SCN1A: variants seen among roughly 807,000 people sequenced by gnomAD.
The protein encoded by SCN1A is sodium channel protein type 1 subunit alpha.
SCN1A carries 13 observed loss-of-function variants against 193.7 expected under a neutral mutation model. That is an observed-to-expected ratio of 0.07 (90% confidence interval 0.04 to 0.11). The LOEUF (loss-of-function observed/expected upper bound fraction) is 0.11, where lower values mean the gene tolerates loss of function less well. SCN1A is among the 10% of genes least tolerant of loss of function. The pLI is 1.00. For missense variants in SCN1A, 1,432 were observed against 2,451.1 expected, an observed-to-expected ratio of 0.58 and a Z score of 8.78; for synonymous variants, 781 against 843.6, an observed-to-expected ratio of 0.93 and a Z score of 1.29.
intron 2 of SCN1A, among the ~76,000 whole-genome samples, chr2:166,105,559 A>G (rs369171703): frequency 1.3e-5 from 2 of 152,356 alleles, no homozygotes; most frequent in African/African-American, 4.8e-5. Flanking sequence ...TCTTGGCCAA[A>G]AACAATTAAT....
chr2:166,004,967 C>T (rs752079159), intron 23 of SCN1A, among the ~76,000 whole-genome samples: 18 of 151,426 alleles, frequency 1.2e-4, no homozygotes, highest in Admixed American at 3.3e-4. Context: ...TTCAGTATTG[C>T]GTTCTCATTT....
At chr2:166,138,589 G>A (rs1244362471) in intron 1 of SCN1A, among the ~76,000 whole-genome samples, 3 of 152,220 alleles carry the variant, frequency 2.0e-5, no homozygotes, top group African/African-American at 7.2e-5. Context: ...CCTCTGCCTA[G>A]ATTTCAGAAG....
At chr2:166,067,363 C>A (rs1430786087) in intron 4 of SCN1A, among the ~76,000 whole-genome samples, 1 of 152,014 alleles carries the variant, frequency 6.6e-6, no homozygotes, top group African/African-American at 2.4e-5. Flanking sequence ...AGTAAGGGTT[C>A]GGGAAATACT....
At chr2:166,124,212 C>T (rs770882276) in intron 2 of SCN1A, among the ~76,000 whole-genome samples, 1 of 151,848 alleles carries the variant, frequency 6.6e-6, no homozygotes, top group Non-Finnish European at 1.5e-5. Context: ...GAACGCAGAC[C>T]CTTCTATCTT....
chr2:165,988,777 G>C lies in SCN1A; in HGVS notation c.*2468C>G, dbSNP rs1382553782. The C allele has an allele frequency of 6.6e-6, 1 of 152,156 alleles. No individual in the cohort carries two copies. The highest frequency in any genetic ancestry group is 2.4e-5 in the African/African-American group (1 of 41,450). The allele number at this position is 152,156 out of a possible 1,614,324, so 9.4% of individuals were successfully genotyped here. A position where few individuals can be genotyped will look rare whatever the true frequency, so the allele number is the denominator to read the frequency against. ...GAGTGGCTCTGGAGGAGCAAACACA[G>C]TATCCTACACACATGGCAATTCTAA... On this transcript the variant is annotated 3_prime_UTR_variant, in exon 29 of 29. Coordinates refer to ENST00000674923, the MANE Select transcript of SCN1A (RefSeq NM_001165963.4).
chr2:166,109,869 G>A (rs950362918), intron 2 of SCN1A, among the ~76,000 whole-genome samples: 1 of 152,018 alleles, frequency 6.6e-6, no homozygotes, highest in Non-Finnish European at 1.5e-5. Flanking sequence ...CTATGTGGGT[G>A]GTGGGGAGGT....
chr2:166,053,595 C>A (rs993179964), intron 7 of SCN1A, among the ~76,000 whole-genome samples: 7 of 151,890 alleles, frequency 4.6e-5, no homozygotes, highest in Non-Finnish European at 8.8e-5. Context: ...CCATTTTGTT[C>A]TTAAGAAATA....
chr2:166,018,909 G>C (rs1260984785), intron 19 of SCN1A, among the ~76,000 whole-genome samples: 2 of 152,184 alleles, frequency 1.3e-5, no homozygotes, highest in East Asian at 3.9e-4. Context: ...AATAACATAA[G>C]ATTGTATGAA....
chr2:166,125,378 G>C (rs1691120811), intron 2 of SCN1A, among the ~76,000 whole-genome samples: 1 of 152,204 alleles, frequency 6.6e-6, no homozygotes, highest in Non-Finnish European at 1.5e-5. Flanking sequence ...TGCCCAGGGA[G>C]AAAGCAATAC....
chr2:166,086,810 G>C (rs1686174089), intron 2 of SCN1A, among the ~76,000 whole-genome samples: 1 of 152,062 alleles, frequency 6.6e-6, no homozygotes, highest in Non-Finnish European at 1.5e-5. Flanking sequence ...TACTGGTCTG[G>C]GTTAAAGAGA....
rs1271407907 is a variant in SCN1A, at chr2:165,990,198, C to A, written c.*1047G>T. 3.3e-5 allele frequency: 5 copies of A among 152,574 alleles called. No individual in the cohort carries two copies. The highest frequency in any genetic ancestry group is 6.6e-5 in the Admixed American group (1 of 15,260). 9.5% of individuals were successfully genotyped at this position (152,574 alleles called of 1,614,324 possible). On this transcript the variant is annotated 3_prime_UTR_variant, in exon 29 of 29. Transcript: ENST00000674923. ...CATTTCTTGTGGTACATATTTGATGCAATAAATACTGTGCTTAGGTCATTA... is the reference window on the plus strand; with the variant it reads ...CATTTCTTGTGGTACATATTTGATGAAATAAATACTGTGCTTAGGTCATTA...
intron 2 of SCN1A, among the ~76,000 whole-genome samples, chr2:166,108,803 G>A (rs76013360): frequency 0.056 from 8,452 of 152,134 alleles, 370 homozygotes; most frequent in African/African-American, 0.12. Flanking sequence ...ACTGGGAGTG[G>A]GAATAGAGAG....
At chr2:166,055,544 A>G (rs1699050050) in intron 6 of SCN1A, among the ~76,000 whole-genome samples, 2 of 151,980 alleles carry the variant, frequency 1.3e-5, no homozygotes, top group South Asian at 4.2e-4. Flanking sequence ...ACTCTTGGAA[A>G]TAGGTTGGTG....
chr2:166,045,207 G>T lies in SCN1A; in HGVS notation c.1498C>A (p.Arg500=), dbSNP rs141188608. The change falls in exon 13 of 29, where the codon CGG becomes AGG. Residue 500 remains arginine, a synonymous_variant. Transcript: ENST00000674923. The part of the protein sequence containing the change: ...SSKSAKERRN[R]RKKRKQKEQS... Reference sequence around the variant, plus strand: ...TCTTTCTGTTTTCTTTTCTTCCTCCGATTTCTTCTTTCCTTAGCACTCTTG... The same window carrying T: ...TCTTTCTGTTTTCTTTTCTTCCTCCTATTTCTTCTTTCCTTAGCACTCTTG... 3 of 1,613,872 alleles carry T rather than the reference G, an allele frequency of 1.9e-6. No homozygotes were observed. Among genetic ancestry groups the T allele is most frequent in the South Asian group, 1.1e-5 (1 of 91,074 alleles).
intron 2 of SCN1A, among the ~76,000 whole-genome samples, chr2:166,119,940 A>G (rs1179833643): frequency 1.3e-5 from 2 of 151,692 alleles, no homozygotes; most frequent in Non-Finnish European, 2.9e-5. Context: ...TTTGAACTTT[A>G]TTTTAAGAAA....
chr2:166,147,457 T>C (rs114677604), intron 1 of SCN1A, among the ~76,000 whole-genome samples: 1,981 of 152,234 alleles, frequency 0.013, 42 homozygotes, highest in African/African-American at 0.045. Context: ...CTTTTAGCAA[T>C]AGCCAAAAGA....
At chr2:166,034,812 T>C (rs914088207) in intron 19 of SCN1A, among the ~76,000 whole-genome samples, 3 of 152,140 alleles carry the variant, frequency 2.0e-5, no homozygotes, top group Non-Finnish European at 2.9e-5. Context: ...AGAAGAAGAA[T>C]AGACACCAGA....
intron 19 of SCN1A, among the ~76,000 whole-genome samples, chr2:166,033,464 C>A (rs1415409566): frequency 1.5e-5 from 1 of 66,852 alleles, no homozygotes; most frequent in Non-Finnish European, 2.8e-5. Context: ...GTAATCCCAG[C>A]ACTTTGGGAG....
At chr2:166,113,201 G>A (rs987875811) in intron 2 of SCN1A, among the ~76,000 whole-genome samples, 8 of 151,828 alleles carry the variant, frequency 5.3e-5, no homozygotes, top group Non-Finnish European at 1.2e-4. Flanking sequence ...ACAATTGAGT[G>A]GTGAGGGAAA....
Sources: allele counts gnomAD v4.1 joint callset (sites outside exome capture counted in the v4.1 genomes callset), GRCh38; gene constraint gnomAD v4.1.1; transcripts MANE v1.5; gene names NCBI Gene and HGNC (gene_info 2026-07-23, HGNC 2026-07-21).